The following SINHCAF variants were observed in gnomAD, a reference collection of about 807,000 sequenced individuals.
The protein encoded by SINHCAF is SIN3-HDAC complex associated factor.
SINHCAF carries 3 observed loss-of-function variants against 25.8 expected under a neutral mutation model. The observed-to-expected ratio is 0.12, with a 90% confidence interval of 0.05 to 0.30. The LOEUF (loss-of-function observed/expected upper bound fraction) is 0.30. SINHCAF is among the 10% of genes least tolerant of loss of function. SINHCAF has a pLI of 1.00. For missense variants in SINHCAF, 121 were observed against 262.3 expected (o/e 0.46, Z 3.72); for synonymous variants, 70 against 85.5 (o/e 0.82, Z 1.00).
intron 5 of SINHCAF, among the ~76,000 whole-genome samples, chr12:31,286,478 A>G (rs1422434198): frequency 6.6e-6 from 1 of 152,114 alleles, no homozygotes; most frequent in East Asian, 1.9e-4. Context: ...CCTGACCAAC[A>G]TGGTGAAACC....
At chr12:31,287,221 T>C (rs539762093) in intron 5 of SINHCAF, among the ~76,000 whole-genome samples, 10 of 152,346 alleles carry the variant, frequency 6.6e-5, no homozygotes, top group Non-Finnish European at 8.8e-5. Flanking sequence ...TAATATCCTA[T>C]TATTTTTTAA....
Position 31,286,281 on chromosome 12 carries a change from CT to C in SINHCAF, c.506+1352del, listed in dbSNP as rs1365373565. Among the ~76,000 whole-genome samples the C allele has an allele frequency of 8.0e-3, 1,173 of 146,708 alleles. 20 individuals are homozygous for C. Among genetic ancestry groups the C allele is most frequent in the African/African-American group, 0.025 (1,019 of 40,408 alleles). On this transcript the variant is annotated intron_variant, in intron 5 of 5. Transcript: ENST00000337682. ...TCCTTCTATTCCTATTTTGCTAAAA[CT>C]TTTTTTTTTTTAAACCTTAAAGGAA...
At chr12:31,303,112 C>A (rs1411694154) in intron 1 of SINHCAF, 1 of 985,188 alleles carries the variant, frequency 1.0e-6, no homozygotes, top group Non-Finnish European at 1.2e-6. Flanking sequence ...TAAAACATGC[C>A]TATTTATGGG....
At chr12:31,312,126 G>A in intron 1 of SINHCAF, 1 of 423,146 alleles carries the variant, frequency 2.4e-6, no homozygotes, top group East Asian at 6.3e-5. Flanking sequence ...ACCATCAATT[G>A]GTTTTTCCTG....
At chr12:31,320,543 C>T (rs1484608413) in intron 1 of SINHCAF, among the ~76,000 whole-genome samples, 1 of 151,980 alleles carries the variant, frequency 6.6e-6, no homozygotes, top group Non-Finnish European at 1.5e-5. Flanking sequence ...TACACAGAAA[C>T]GGGTAGAATT....
Position 31,324,602 on chromosome 12 carries a change from GCC to G in SINHCAF, c.-21+1420_-21+1421del, listed in dbSNP as rs1373836155. ...GGGCCTCCGACCTGCACGGCCCTAC[GCC>G]CAGGCGGCGGCCCCGAGCGCCGGGG... is the stretch of plus-strand genomic sequence containing the variant. On this transcript the variant is annotated intron_variant, in intron 1 of 5. Coordinates refer to ENST00000337682, the MANE Select transcript of SINHCAF (RefSeq NM_001135812.2). The surrounding 1 kb of genome is among the most constrained non-coding windows in gnomAD (Gnocchi z 5.5). 3.9e-6 allele frequency: 1 copy of G among 258,608 alleles called. No individual in the cohort carries two copies. Among genetic ancestry groups the G allele is most frequent in the Non-Finnish European group, 7.8e-6 (1 of 128,504 alleles). The allele number at this position is 258,608 out of a possible 1,614,324, so 16.0% of individuals were successfully genotyped here. A position where few individuals can be genotyped will look rare whatever the true frequency, so the allele number is the denominator to read the frequency against.
At chr12:31,311,038 T>C (rs1169530340) in intron 1 of SINHCAF, among the ~76,000 whole-genome samples, 2 of 152,028 alleles carry the variant, frequency 1.3e-5, no homozygotes, top group Admixed American at 1.3e-4. Context: ...ACTGGCTGAT[T>C]TTTGTATTTT....
chr12:31,316,914 A>C (rs899381804), intron 1 of SINHCAF, among the ~76,000 whole-genome samples: 31 of 152,210 alleles, frequency 2.0e-4, no homozygotes, highest in African/African-American at 7.2e-4. Context: ...CTCACATTTA[A>C]GGATATGGAG....
Position 31,298,062 on chromosome 12 carries a change from A to C in SINHCAF, c.128+15T>G. 1 of 1,612,850 alleles carries C rather than the reference A, an allele frequency of 6.2e-7. No homozygotes were observed. Among genetic ancestry groups the C allele is most frequent in the Non-Finnish European group, 8.5e-7 (1 of 1,179,452 alleles). On this transcript the variant is annotated intron_variant, in intron 2 of 5. Transcript: ENST00000337682. ...TTTTCACTCTAAGAATAGTACAAAC[A>C]TCAGGTGATCTTACCCAAAACAGCT...
At chr12:31,304,203 G>C (rs535490967) in intron 1 of SINHCAF, 32 of 151,848 alleles carry the variant, frequency 2.1e-4, no homozygotes, top group African/African-American at 7.7e-4. Context: ...TGAGTTGGTG[G>C]GTGTGGCCCA....
At chr12:31,319,884 C>G (rs1054475921) in intron 1 of SINHCAF, among the ~76,000 whole-genome samples, 1 of 152,252 alleles carries the variant, frequency 6.6e-6, no homozygotes, top group East Asian at 1.9e-4. Context: ...CAAATCTGCT[C>G]TTCCTCTATT....
rs141051725 is a variant in SINHCAF at position 31,326,138 on chromosome 12, C to T, written c.-135G>A. Reference sequence around the variant, plus strand: ...CAACTGCCTTGTCTAGAAAGATAGTCTCCTGCAGTTCTGCAGTTGCTACCG... The same window carrying T: ...CAACTGCCTTGTCTAGAAAGATAGTTTCCTGCAGTTCTGCAGTTGCTACCG... On this transcript the variant is annotated 5_prime_UTR_variant, in exon 1 of 6. Coordinates refer to ENST00000337682, the MANE Select transcript of SINHCAF (RefSeq NM_001135812.2). The T allele has an allele frequency of 6.6e-6, 1 of 152,408 alleles. No homozygotes were observed. Among genetic ancestry groups the T allele is most frequent in the Non-Finnish European group, 1.5e-5 (1 of 68,076 alleles). 9.4% of individuals were successfully genotyped at this position (152,408 alleles called of 1,614,324 possible).
intron 5 of SINHCAF, among the ~76,000 whole-genome samples, chr12:31,285,879 G>T (rs1938041400): frequency 6.6e-6 from 1 of 151,674 alleles, no homozygotes; most frequent in Non-Finnish European, 1.5e-5. Flanking sequence ...GGCGGCTGAG[G>T]TGGGAGAATT....
chr12:31,296,901 G>C, intron 2 of SINHCAF: 2 of 356,176 alleles, frequency 5.6e-6, no homozygotes, highest in Non-Finnish European at 1.1e-5. Flanking sequence ...TGAGTAAGGT[G>C]GTGCACACCT....
chr12:31,317,925 G>A (rs1283901565), intron 1 of SINHCAF, among the ~76,000 whole-genome samples: 1 of 152,202 alleles, frequency 6.6e-6, no homozygotes, highest in Non-Finnish European at 1.5e-5. Flanking sequence ...TTGAAGTGAA[G>A]GAGATGCATT....
chr12:31,288,901 ACATGTT>A (rs1565489865), intron 4 of SINHCAF, among the ~76,000 whole-genome samples: 2 of 152,252 alleles, frequency 1.3e-5, no homozygotes, highest in Admixed American at 6.5e-5. Context: ...GCAATTATGA[ACATGTT>A]TGAAATAAAT....
rs1270392149 is a variant in SINHCAF at position 31,325,114 on chromosome 12, G to A, written c.-21+910C>T. 1 of 456,612 alleles carries A rather than the reference G, an allele frequency of 2.2e-6. No individual in the cohort carries two copies. Among genetic ancestry groups the A allele is most frequent in the African/African-American group, 2.0e-5 (1 of 50,076 alleles). 28.3% of individuals were successfully genotyped at this position (456,612 alleles called of 1,614,324 possible). A position where few individuals can be genotyped will look rare whatever the true frequency, so the allele number is the denominator to read the frequency against. Reference sequence around the variant, plus strand: ...CTCCCGCGGCGTACACAACGCCGCCGCCTCCATCTCCAGCCAAGTTGGCTT... The same window carrying A: ...CTCCCGCGGCGTACACAACGCCGCCACCTCCATCTCCAGCCAAGTTGGCTT... On this transcript the variant is annotated intron_variant, in intron 1 of 5. Transcript: ENST00000337682. This position sits in a 1 kb window ranked among gnomAD's most constrained non-coding sequence, Gnocchi z 5.9.
intron 5 of SINHCAF, among the ~76,000 whole-genome samples, chr12:31,285,554 G>A (rs749572470): frequency 6.6e-6 from 1 of 151,714 alleles, no homozygotes; most frequent in Admixed American, 6.6e-5. Context: ...CTAACACTAT[G>A]ATAAAATGTA....
chr12:31,321,103 G>C (rs1227626314), intron 1 of SINHCAF, among the ~76,000 whole-genome samples: 2 of 152,170 alleles, frequency 1.3e-5, no homozygotes, highest in Non-Finnish European at 2.9e-5. Flanking sequence ...TTTTGGACTA[G>C]ATGACATTTC....
Sources: gnomAD v4.1 joint callset for allele counts (sites outside exome capture counted in the v4.1 genomes callset) on GRCh38, gnomAD v4.1.1 for gene constraint, Gnocchi (gnomAD v3.1) non-coding constraint, MANE v1.5 for transcripts, NCBI Gene and HGNC (gene_info 2026-07-23, HGNC 2026-07-21) for gene names.